The following UBE2J2 variants were observed in gnomAD, a reference collection of about 807,000 sequenced individuals.
The protein encoded by UBE2J2 is ubiquitin conjugating enzyme E2 J2.
A neutral mutation model predicts 28.6 loss-of-function variants in UBE2J2; 5 were observed. That is an observed-to-expected ratio of 0.17 (90% CI 0.09 to 0.37). The LOEUF is 0.37. UBE2J2 is among the 10% of genes least tolerant of loss of function. The probability of loss-of-function intolerance (pLI) is 1.00; values close to 1 mark genes in which losing one functional copy is unlikely to be tolerated. For missense variants in UBE2J2, 226 were observed against 338.9 expected, an observed-to-expected ratio of 0.67 and a Z score of 2.62; for synonymous variants, 138 against 139.7, an observed-to-expected ratio of 0.99 and a Z score of 0.09.
intron 2 of UBE2J2, among the ~76,000 whole-genome samples, chr1:1,264,193 C>T (rs79797881): frequency 1.4e-4 from 21 of 152,202 alleles, no homozygotes; most frequent in African/African-American, 4.6e-4. Context: ...CAGGAACTGC[C>T]GTGATTGTGT....
At chr1:1,260,577 C>A (rs905665049) in intron 3 of UBE2J2, among the ~76,000 whole-genome samples, 1 of 152,258 alleles carries the variant, frequency 6.6e-6, no homozygotes, top group African/African-American at 2.4e-5. Context: ...GAGCCACACA[C>A]ACACAGACGT....
At chr1:1,256,368 G>A (rs1313153695) in intron 5 of UBE2J2, 9 of 427,086 alleles carry the variant, frequency 2.1e-5, no homozygotes, top group Middle Eastern at 6.8e-4. Flanking sequence ...CCAAAGCACC[G>A]GGCTCCCCGC....
At chr1:1,257,387 CA>C (rs1557550201) in intron 3 of UBE2J2, 77 bp from the exon 4 acceptor site, 431 of 614,852 alleles carry the variant, frequency 7.0e-4, no homozygotes, top group South Asian at 1.9e-3. Context: ...CCCATCCCCC[CA>C]CGCCACCCCC....
intron 3 of UBE2J2, chr1:1,262,961 T>TG: frequency 5.1e-6 from 1 of 196,956 alleles, no homozygotes; most frequent in Non-Finnish European, 1.1e-5. Context: ...TGCGAAACCC[T>TG]GGGGGCGCCC....
rs765859877 is a variant in UBE2J2 at position 1,256,951 on chromosome 1, A to G, written c.414+41T>C. 2.1e-6 allele frequency: 3 copies of G among 1,421,954 alleles called. No homozygotes were observed. In the Admixed American group the frequency reaches 7.9e-5, roughly 38 times the overall value. 88.1% of individuals were successfully genotyped at this position (1,421,954 alleles called of 1,614,324 possible). On this transcript the variant is annotated intron_variant, in intron 5 of 6. Coordinates refer to ENST00000349431, the MANE Select transcript of UBE2J2 (RefSeq NM_058167.3). ...AGGAACAGAGAACAGCCCCCCAGAC[A>G]CAAGGCTGACGGCCCACCAGGGAGA... is the stretch of plus-strand genomic sequence containing the variant.
rs1218001992 is a variant in UBE2J2 at position 1,254,458 on chromosome 1, A to G, written c.*745T>C. Reference sequence around the variant, plus strand: ...AGAGAAAAGGCTCTGCAGGTACCCAAGGCCCCCCAGCCTGCAGCACCGAGG... The same window carrying G: ...AGAGAAAAGGCTCTGCAGGTACCCAGGGCCCCCCAGCCTGCAGCACCGAGG... On this transcript the variant is annotated 3_prime_UTR_variant, in exon 7 of 7. Transcript: ENST00000349431. 6.6e-6 allele frequency: 1 copy of G among 152,198 alleles called. No homozygotes were observed. Among genetic ancestry groups the G allele is most frequent in the African/African-American group, 2.4e-5 (1 of 41,436 alleles). The allele number at this position is 152,198 out of a possible 1,614,324, so 9.4% of individuals were successfully genotyped here. A position where few individuals can be genotyped will look rare whatever the true frequency, so the allele number is the denominator to read the frequency against.
intron 3 of UBE2J2, among the ~76,000 whole-genome samples, chr1:1,262,649 C>G (rs2101062129): frequency 6.6e-6 from 1 of 152,326 alleles, no homozygotes; most frequent in Non-Finnish European, 1.5e-5. Flanking sequence ...TGGCCCTGCT[C>G]TGCCTTGTGC....
At chr1:1,259,402 A>G (rs943298912) in intron 3 of UBE2J2, among the ~76,000 whole-genome samples, 1 of 152,154 alleles carries the variant, frequency 6.6e-6, no homozygotes, top group East Asian at 1.9e-4. Context: ...AGGTTTGAGG[A>G]GCACTGGCCT....
chr1:1,272,678 A>C (rs112947783), intron 1 of UBE2J2, among the ~76,000 whole-genome samples: 146 of 136,208 alleles, frequency 1.1e-3, no homozygotes, highest in African/African-American at 4.8e-3. Flanking sequence ...CTGTCACTCA[A>C]GCACTCACCT....
chr1:1,271,372 C>T (rs953652527), intron 1 of UBE2J2: 3 of 152,300 alleles, frequency 2.0e-5, no homozygotes, highest in Non-Finnish European at 2.9e-5. Context: ...CAAAATAATT[C>T]ACTGGACAAT....
rs917327455 is a variant in UBE2J2, at chr1:1,268,360, T to C, written c.1-368A>G. On this transcript the variant is annotated intron_variant, in intron 1 of 6. Transcript: ENST00000349431. This position sits in a 1 kb window ranked among gnomAD's most constrained non-coding sequence, Gnocchi z 4.7. ...GCTCCTGAGGGCAGCTACTCGCACC[T>C]TCCAACTCAGCTCAAGGACCCCGCA... 5.3e-5 allele frequency among the ~76,000 whole-genome samples: 8 copies of C among 152,082 alleles called. No individual in the cohort carries two copies. The highest frequency in any genetic ancestry group is 1.2e-4 in the Non-Finnish European group (8 of 68,022).
intron 3 of UBE2J2, among the ~76,000 whole-genome samples, chr1:1,258,757 C>T (rs1162750021): frequency 6.6e-6 from 1 of 152,242 alleles, no homozygotes; most frequent in Non-Finnish European, 1.5e-5. Context: ...ATCCTGTTGG[C>T]CCCACCTTCA....
rs57125925 is a variant in UBE2J2, at chr1:1,265,603, T to TTGTGTGTGTGTGTGTGTG, written c.132-2235_132-2218dup. On this transcript the variant is annotated intron_variant, in intron 2 of 6. Transcript: ENST00000349431. ...TGTGTGTGTGTGTGTTTTCTCTCCA[T>TTGTGTGTGTGTGTGTGTG]TGTGTGTGTGTGTGTGTGTGTGTGT... Among the ~76,000 whole-genome samples, 102 of 121,016 alleles carry TTGTGTGTGTGTGTGTGTG rather than the reference T, an allele frequency of 8.4e-4. 1 individual carries two copies. The highest frequency in any genetic ancestry group is 2.6e-3 in the East Asian group (10 of 3,906). The allele number at this position is 121,016 out of a possible 152,430, so 79.4% of individuals were successfully genotyped here.
chr1:1,267,824 A>G, intron 2 of UBE2J2, 38 bp downstream of exon 2: 1 of 1,602,508 alleles, frequency 6.2e-7, no homozygotes, highest in South Asian at 1.1e-5. Context: ...CGTGGCAGCG[A>G]CAGTCAGCGC....
At chr1:1,265,418 G>C (rs987614474) in intron 2 of UBE2J2, among the ~76,000 whole-genome samples, 1 of 152,156 alleles carries the variant, frequency 6.6e-6, no homozygotes, top group Admixed American at 6.6e-5. Context: ...TAAAGTCCCT[G>C]GGCCTTCCCC....
At chr1:1,258,024 C>T (rs1271664820) in intron 3 of UBE2J2, among the ~76,000 whole-genome samples, 1 of 152,000 alleles carries the variant, frequency 6.6e-6, no homozygotes, top group Non-Finnish European at 1.5e-5. Context: ...CCCACACGTT[C>T]CCACTTTTTT....
At chr1:1,260,760 G>T (rs954838280) in intron 3 of UBE2J2, among the ~76,000 whole-genome samples, 6 of 152,226 alleles carry the variant, frequency 3.9e-5, no homozygotes, top group African/African-American at 1.4e-4. Flanking sequence ...CCTCATCACT[G>T]GGGTAAGTCT....
At chr1:1,263,033 G>A in intron 3 of UBE2J2, 2 of 315,482 alleles carry the variant, frequency 6.3e-6, no homozygotes, top group East Asian at 5.5e-5. Context: ...TATGCACTGG[G>A]TCTTAAGAAA....
chr1:1,272,616 T>G (rs1000472349), intron 1 of UBE2J2, among the ~76,000 whole-genome samples: 2 of 152,160 alleles, frequency 1.3e-5, no homozygotes, highest in African/African-American at 4.8e-5. Flanking sequence ...TGCACCTGCC[T>G]GGGTCACCTG....
Sources: allele counts gnomAD v4.1 joint callset (sites outside exome capture counted in the v4.1 genomes callset), GRCh38; gene constraint gnomAD v4.1.1; non-coding constraint Gnocchi (gnomAD v3.1); transcripts MANE v1.5; gene names NCBI Gene and HGNC (gene_info 2026-07-23, HGNC 2026-07-21).